The following IQCK variants were observed in gnomAD, a reference collection of about 807,000 sequenced individuals.
The protein encoded by IQCK is IQ motif containing K.
Under a neutral mutation model 28.1 loss-of-function variants are expected in IQCK, and 29 were observed. The ratio of observed to expected loss-of-function variants is 1.03; its 90% CI spans 0.77 to 1.41. The LOEUF is 1.41. IQCK is among the 40% of genes most tolerant of loss of function. IQCK has a pLI of 0.00. For missense variants in IQCK, 359 were observed against 314.7 expected, an observed-to-expected ratio of 1.14 and a Z score of -1.07; for synonymous variants, 113 against 115.1, an observed-to-expected ratio of 0.98 and a Z score of 0.12.
chr16:19,745,751 G>T (rs1238902635), intron 4 of IQCK, among the ~76,000 whole-genome samples: 1 of 152,044 alleles, frequency 6.6e-6, no homozygotes, highest in Non-Finnish European at 1.5e-5. Context: ...CTCTCTCCTG[G>T]GGTCACTCAT....
chr16:19,833,454 CAATA>C (rs2056257891), intron 9 of IQCK, among the ~76,000 whole-genome samples: 2 of 152,196 alleles, frequency 1.3e-5, no homozygotes, highest in Admixed American at 6.5e-5. Context: ...GAAGCCACAA[CAATA>C]AAGGAAATAC....
chr16:19,745,805 A>G (rs573949850), intron 4 of IQCK, among the ~76,000 whole-genome samples: 8 of 150,876 alleles, frequency 5.3e-5, no homozygotes, highest in South Asian at 2.1e-4. Context: ...GGAAGGTCCA[A>G]TTCTATCTCA....
chr16:19,742,154 C>T (rs965009473), intron 4 of IQCK, among the ~76,000 whole-genome samples: 4 of 152,186 alleles, frequency 2.6e-5, no homozygotes, highest in African/African-American at 4.8e-5. Context: ...CAGACCTGCT[C>T]CTGTCATTGG....
chr16:19,785,599 CG>C (rs1288127416), intron 6 of IQCK, among the ~76,000 whole-genome samples: 9 of 152,198 alleles, frequency 5.9e-5, no homozygotes, highest in African/African-American at 1.7e-4. Context: ...AGACTGATTG[CG>C]GGCCGAGTCT....
chr16:19,742,680 ATAACATT>A, intron 4 of IQCK, among the ~76,000 whole-genome samples: 1 of 152,352 alleles, frequency 6.6e-6, no homozygotes, highest in Admixed American at 6.5e-5. Context: ...ATATCTTGAA[ATAACATT>A]TATATTAAGT....
intron 7 of IQCK, among the ~76,000 whole-genome samples, chr16:19,799,331 G>A (rs2055728350): frequency 1.2e-5 from 1 of 86,374 alleles, no homozygotes; most frequent in Non-Finnish European, 1.9e-5. Flanking sequence ...GAGTGCAGTG[G>A]TGTGATCTTG....
chr16:19,847,695 T>C (rs1222780708), intron 9 of IQCK, among the ~76,000 whole-genome samples: 1 of 152,256 alleles, frequency 6.6e-6, no homozygotes, highest in Admixed American at 6.5e-5. Context: ...TGTTGTAGCA[T>C]TCCTTTGTAT....
intron 4 of IQCK, among the ~76,000 whole-genome samples, chr16:19,739,730 A>G (rs1214605258): frequency 6.6e-6 from 1 of 152,050 alleles, no homozygotes; most frequent in Non-Finnish European, 1.5e-5. Context: ...TGGGAGAATC[A>G]CTTGAACCCT....
chr16:19,821,162 G>A (rs2056066428), intron 7 of IQCK, among the ~76,000 whole-genome samples: 1 of 151,958 alleles, frequency 6.6e-6, no homozygotes, highest in Admixed American at 6.6e-5. Context: ...GGGCAAAAAA[G>A]CGAGACCCTA....
chr16:19,734,338 A>T (rs1450918476), intron 3 of IQCK, among the ~76,000 whole-genome samples: 1 of 152,066 alleles, frequency 6.6e-6, no homozygotes, highest in Non-Finnish European at 1.5e-5. Flanking sequence ...CTCTACTAAA[A>T]ATACAAAAAT....
At chr16:19,726,333 T>A (rs1157181509) in intron 1 of IQCK, among the ~76,000 whole-genome samples, 1 of 152,202 alleles carries the variant, frequency 6.6e-6, no homozygotes, top group Non-Finnish European at 1.5e-5. Context: ...TGTATAAGAT[T>A]GATTATACTC....
chr16:19,781,708 G>T (rs902562116), intron 6 of IQCK, among the ~76,000 whole-genome samples: 1 of 152,232 alleles, frequency 6.6e-6, no homozygotes, highest in Non-Finnish European at 1.5e-5. Flanking sequence ...TGATGCCTCG[G>T]CAGGGCGTGG....
In IQCK at chr16:19,857,253, A is replaced by T. The variant is rs11861066; in HGVS notation, c.*705A>T. ...CTCAAGGCAGATCCGAAAGCCTAGT[A>T]GTTAGTTGCACTGGGTTGTTTTGAC... On this transcript the variant is annotated 3_prime_UTR_variant, in exon 10 of 10. Transcript: ENST00000320394. 9.1e-3 allele frequency: 2,890 copies of T among 317,732 alleles called. 67 individuals are homozygous for T. The highest frequency in any genetic ancestry group is 0.061 in the African/African-American group (2,668 of 43,876). 19.7% of individuals were successfully genotyped at this position (317,732 alleles called of 1,614,324 possible).
At chr16:19,827,198 C>G (rs757004790), downstream of IQCK, 2 of 1,243,008 alleles carry the variant, frequency 1.6e-6, no homozygotes, top group Non-Finnish European at 2.4e-6. Flanking sequence ...TTATTCCAGG[C>G]TCAAGAAGGA....
intron 1 of IQCK, among the ~76,000 whole-genome samples, chr16:19,727,202 C>A (rs1300138174): frequency 6.6e-6 from 1 of 151,136 alleles, no homozygotes; most frequent in African/African-American, 2.4e-5. Context: ...AAGGCAAAAA[C>A]TAATATGAGT....
exon 10 of IQCK, chr16:19,857,848 G>A (rs1192984018): frequency 6.5e-6 from 1 of 153,516 alleles, no homozygotes; most frequent in African/African-American, 2.4e-5. Context: ...TTTGTAAGCT[G>A]TCAGAGCTGA....
At chr16:19,844,071 C>T (rs965625303) in intron 9 of IQCK, among the ~76,000 whole-genome samples, 1 of 149,616 alleles carries the variant, frequency 6.7e-6, no homozygotes, top group African/African-American at 2.5e-5. Context: ...TTTGTGTACT[C>T]ATATGCTTGC....
intron 7 of IQCK, among the ~76,000 whole-genome samples, chr16:19,814,288 C>A (rs2055951340): frequency 6.7e-6 from 1 of 150,004 alleles, no homozygotes; most frequent in African/African-American, 2.5e-5. Context: ...ACCTGTAATC[C>A]CAGCTACTCA....
At chr16:19,778,214 A>G (rs1326618759) in intron 6 of IQCK, among the ~76,000 whole-genome samples, 2 of 152,114 alleles carry the variant, frequency 1.3e-5, no homozygotes, top group East Asian at 1.9e-4. Context: ...GGAGCCCCCA[A>G]TTTGTAGCCA....
Sources: gnomAD v4.1 joint callset for allele counts (sites outside exome capture counted in the v4.1 genomes callset) on GRCh38, gnomAD v4.1.1 for gene constraint, MANE v1.5 for transcripts, NCBI Gene and HGNC (gene_info 2026-07-23, HGNC 2026-07-21) for gene names.